KIAA1671: variants seen among roughly 807,000 people sequenced by gnomAD.
KIAA1671 encodes the protein KIAA1671, also known as uncharacterized protein KIAA1671.
KIAA1671 carries 52 observed loss-of-function variants against 131.2 expected under a neutral mutation model. The observed-to-expected ratio is 0.40, with a 90% CI of 0.32 to 0.50. The LOEUF is 0.50. Ranked by LOEUF, KIAA1671 falls within the 20% of genes least tolerant of loss-of-function variation. The probability of loss-of-function intolerance (pLI) is 0.73; values close to 1 mark genes in which losing one functional copy is unlikely to be tolerated. For synonymous variants in KIAA1671, 1,003 were observed against 961.6 expected (o/e 1.04, Z -0.80); for missense variants, 2,360 against 2,364.2 (o/e 1.00, Z 0.04).
At position 25,012,855 on chromosome 22, in the gene KIAA1671, A is replaced by T. The variant is rs1177610305; in HGVS notation, c.-207-12778A>T. On this transcript the variant is annotated intron_variant, in intron 1 of 12. Transcript: ENST00000358431. Reference sequence around the variant, plus strand: ...GCAACTTCTGAAAGCTCCCATGAGGATTAGAAAGGAAACCATGCGCTTTAG... The same window carrying T: ...GCAACTTCTGAAAGCTCCCATGAGGTTTAGAAAGGAAACCATGCGCTTTAG... The T allele has an allele frequency of 2.0e-5, 3 of 152,158 alleles. No individual in the cohort carries two copies. The East Asian group carries it at 5.8e-4, about 29-fold the overall frequency. 9.4% of individuals were successfully genotyped at this position (152,158 alleles called of 1,614,324 possible). A position where few individuals can be genotyped will look rare whatever the true frequency, so the allele number is the denominator to read the frequency against.
At chr22:25,164,682 G>A (rs1449456323) in intron 6 of KIAA1671, among the ~76,000 whole-genome samples, 1 of 152,264 alleles carries the variant, frequency 6.6e-6, no homozygotes, top group East Asian at 1.9e-4. Context: ...CGGTATGGTG[G>A]CTCATGCCTG....
chr22:25,111,082 G>C (rs952031432), intron 6 of KIAA1671: 1 of 152,522 alleles, frequency 6.6e-6, no homozygotes, highest in African/African-American at 2.4e-5. Flanking sequence ...GCGAGGCTGA[G>C]AAATCAACAG....
chr22:25,093,768 GTC>G (rs71191028), intron 6 of KIAA1671, among the ~76,000 whole-genome samples: 2,107 of 60,494 alleles, frequency 0.035, 33 homozygotes, highest in East Asian at 0.056. Context: ...CTCTCTCTCT[GTC>G]TCTCTCTCTC....
At chr22:25,033,647 C>T (rs11703562) in intron 4 of KIAA1671, among the ~76,000 whole-genome samples, 38,748 of 130,260 alleles carry the variant, frequency 0.3, 6,839 homozygotes, top group African/African-American at 0.54. Flanking sequence ...GATGTGATCT[C>T]GGCTCGCTGC....
chr22:25,055,251 T>C (rs1927772588), intron 6 of KIAA1671: 1 of 149,904 alleles, frequency 6.7e-6, no homozygotes, highest in Non-Finnish European at 1.5e-5. Context: ...TGTAATCAAC[T>C]TGAAATAAGT....
intron 6 of KIAA1671, among the ~76,000 whole-genome samples, chr22:25,068,807 G>A (rs1280783725): frequency 2.0e-5 from 3 of 152,216 alleles, no homozygotes; most frequent in Non-Finnish European, 4.4e-5. Flanking sequence ...GCTGAAGGAT[G>A]CAGCACAGAT....
chr22:25,177,805 G>C (rs766136646), intron 9 of KIAA1671, among the ~76,000 whole-genome samples: 1 of 152,150 alleles, frequency 6.6e-6, no homozygotes, highest in African/African-American at 2.4e-5. Flanking sequence ...CCTCGGTTCT[G>C]CTTCCCTTTC....
chr22:24,983,607 TG>T (rs533288311), intron 1 of KIAA1671, among the ~76,000 whole-genome samples: 16 of 117,192 alleles, frequency 1.4e-4, no homozygotes, highest in African/African-American at 4.8e-4. Flanking sequence ...GTGTGTATGG[TG>T]GGGGGGCGGG....
chr22:25,048,399 G>A (rs969205447), intron 5 of KIAA1671, among the ~76,000 whole-genome samples: 12 of 152,142 alleles, frequency 7.9e-5, no homozygotes, highest in African/African-American at 2.2e-4. Flanking sequence ...GGGACATGTG[G>A]GGACACTGAT....
chr22:24,957,010 C>A (rs1398755346), intron 1 of KIAA1671, among the ~76,000 whole-genome samples: 1 of 152,124 alleles, frequency 6.6e-6, no homozygotes, highest in Non-Finnish European at 1.5e-5. Flanking sequence ...GTAAAAAGGG[C>A]TCATGATAGG....
At chr22:24,954,994 T>G (rs1397572967) in intron 1 of KIAA1671, among the ~76,000 whole-genome samples, 1 of 152,220 alleles carries the variant, frequency 6.6e-6, no homozygotes. Flanking sequence ...TTGGCCAGGC[T>G]GATCCCAAAC....
chr22:25,039,002 G>C lies in KIAA1671; in HGVS notation c.1872G>C (p.Val624=). Reference sequence around the variant, plus strand: ...AGCACCACGTGGAGAGACACACAGTGGCTGACCAGTCGGGACGTTGTCTCT... The same window carrying C: ...AGCACCACGTGGAGAGACACACAGTCGCTGACCAGTCGGGACGTTGTCTCT... ...VFEHHVERHT[V]ADQSGRCLST... Residue 624 remains valine, a synonymous_variant, in exon 5 of 13, where the codon GTG becomes GTC. Coordinates refer to ENST00000358431, the MANE Select transcript of KIAA1671 (RefSeq NM_001145206.2). The C allele has an allele frequency of 6.4e-7, 1 of 1,551,762 alleles. No homozygotes were observed. Among genetic ancestry groups the C allele is most frequent in the Non-Finnish European group, 8.7e-7 (1 of 1,147,032 alleles).
chr22:24,980,559 C>T (rs1569197475), intron 1 of KIAA1671, among the ~76,000 whole-genome samples: 3 of 151,934 alleles, frequency 2.0e-5, no homozygotes, highest in South Asian at 2.1e-4. Flanking sequence ...CATGAGCCAC[C>T]GCACCCAGCC....
At position 24,967,731 on chromosome 22, in the gene KIAA1671, A is replaced by G. The variant is rs529896188; in HGVS notation, c.-208+14959A>G. Among the ~76,000 whole-genome samples, 205 of 152,214 alleles carry G rather than the reference A, an allele frequency of 1.3e-3. 1 individual carries two copies. Among genetic ancestry groups the G allele is most frequent in the Non-Finnish European group, 2.3e-3 (155 of 68,000 alleles). The stretch of plus-strand genomic sequence containing the variant: ...ATGAGGGCCGGGCGCGGTGGCTCAC[A>G]CCTGTAATCCCAGCACTCTGGGAGG... On this transcript the variant is annotated intron_variant, in intron 1 of 12. Transcript: ENST00000358431.
In KIAA1671 at chr22:25,095,727, G is replaced by GC. The variant is rs368563596; in HGVS notation, c.4530+46369dup. Among the ~76,000 whole-genome samples the GC allele has an allele frequency of 2.3e-3, 357 of 152,238 alleles. 3 individuals are homozygous for GC. Among genetic ancestry groups the GC allele is most frequent in the African/African-American group, 8.1e-3 (336 of 41,544 alleles). On this transcript the variant is annotated intron_variant, in intron 6 of 12. Coordinates refer to ENST00000358431, the MANE Select transcript of KIAA1671 (RefSeq NM_001145206.2). Reference sequence around the variant, plus strand: ...CTGTAGGAATACTGATGACTGCTAAGCCCCCCTAGATTCATCCCCTTATGC... The same window carrying GC: ...CTGTAGGAATACTGATGACTGCTAAGCCCCCCCTAGATTCATCCCCTTATGC...
intron 1 of KIAA1671, among the ~76,000 whole-genome samples, chr22:24,954,199 C>G (rs773542775): frequency 5.3e-5 from 8 of 152,196 alleles, no homozygotes; most frequent in Admixed American, 2.6e-4. Flanking sequence ...CTGATCCCCC[C>G]TTGCAGAGAG....
Position 25,041,134 on chromosome 22 carries a change from A to G in KIAA1671, c.4004A>G (p.Lys1335Arg). ...AEDDRKAFASKHHVAKCQNYL... is the reference protein window; with the variant it reads ...AEDDRKAFASRHHVAKCQNYL... ...GATGACAGAAAGGCCTTTGCCAGTA[A>G]ACATCATGTTGCAAAGTGTCAGAAT... Residue 1335 changes from lysine to arginine, a missense_variant, in exon 5 of 13, where the codon AAA becomes AGA. This residue lies in a region of KIAA1671 where 1,161 missense variants were observed against 1,204.7 expected (regional missense o/e 0.96). Coordinates refer to ENST00000358431, the MANE Select transcript of KIAA1671 (RefSeq NM_001145206.2). 4 of 1,550,708 alleles carry G rather than the reference A, an allele frequency of 2.6e-6. No individual in the cohort carries two copies. The highest frequency in any genetic ancestry group is 2.6e-6 in the Non-Finnish European group (3 of 1,146,362).
chr22:25,028,265 C>T lies in KIAA1671; in HGVS notation c.266C>T (p.Thr89Ile). 1.9e-6 allele frequency: 3 copies of T among 1,551,580 alleles called. No individual in the cohort carries two copies. Among genetic ancestry groups the T allele is most frequent in the Non-Finnish European group, 2.6e-6 (3 of 1,147,008 alleles). The change falls in exon 3 of 13, where the codon ACT (threonine) becomes ATT (isoleucine). Residue 89 changes from threonine to isoleucine, a missense_variant. Physicochemically the swap from Thr to Ile is moderately conservative, Grantham distance 89. Around this residue, in one of 3 missense-constraint regions of KIAA1671, gnomAD observed 1,185 missense variants for 1,126.2 expected, o/e 1.05. Transcript: ENST00000358431. ...GTCCCGTCTCTGCGGCCCAGTTCGACTGGACCTTCCCCCTCTGGGGGGCTC... is the reference window on the plus strand; with the variant it reads ...GTCCCGTCTCTGCGGCCCAGTTCGATTGGACCTTCCCCCTCTGGGGGGCTC... ...SPVPSLRPSS[T>I]GPSPSGGLSE... is the part of the protein sequence containing the mutation.
At chr22:24,953,502 C>G (rs918058135) in intron 1 of KIAA1671, among the ~76,000 whole-genome samples, 2 of 152,174 alleles carry the variant, frequency 1.3e-5, no homozygotes, top group South Asian at 4.1e-4. Flanking sequence ...GCCCCCCCTC[C>G]GCTCGTCTTC....
Sources: gnomAD v4.1 joint callset for allele counts (sites outside exome capture counted in the v4.1 genomes callset) on GRCh38, gnomAD v4.1.1 for gene constraint, gnomAD v4.1.1 regional missense constraint, MANE v1.5 for transcripts, NCBI Gene and HGNC (gene_info 2026-07-23, HGNC 2026-07-21) for gene names.